The following PSMD5 variants were observed in gnomAD, a reference collection of about 807,000 sequenced individuals.
PSMD5 encodes the protein proteasome 26S subunit, non-ATPase 5, also known as 26S proteasome non-ATPase regulatory subunit 5.
In PSMD5, 40 loss-of-function variants were observed where a neutral mutation model predicts 52.1. The ratio of observed to expected loss-of-function variants is 0.77; its 90% CI spans 0.60 to 1.00. PSMD5 has a LOEUF of 1.00. Ranked by LOEUF, PSMD5 falls within the 50% of genes least tolerant of loss-of-function variation. PSMD5 has a pLI of 0.00. For missense variants in PSMD5, 575 were observed against 605.2 expected, an observed-to-expected ratio of 0.95 and a Z score of 0.52; for synonymous variants, 211 against 226.6, an observed-to-expected ratio of 0.93 and a Z score of 0.62.
chr9:120,830,490 G>A (rs1193092967), intron 4 of PSMD5, among the ~76,000 whole-genome samples: 1 of 152,156 alleles, frequency 6.6e-6, no homozygotes, highest in Non-Finnish European at 1.5e-5. Flanking sequence ...TTGGAACTCT[G>A]TTTTCATCAA....
intron 5 of PSMD5, 65 bp downstream of exon 5, chr9:120,829,034 G>T (rs557388315): frequency 2.1e-6 from 3 of 1,447,396 alleles, no homozygotes; most frequent in Non-Finnish European, 2.8e-6. Flanking sequence ...AATCACAGAT[G>T]TCCCAAGGTT....
Position 120,821,502 on chromosome 9 carries a change from T to G in PSMD5, c.1007-38A>C, listed in dbSNP as rs763583221. 3 of 1,380,170 alleles carry G rather than the reference T, an allele frequency of 2.2e-6. No individual in the cohort carries two copies. In the African/African-American group the frequency reaches 4.4e-5, roughly 20 times the overall value. 85.5% of individuals were successfully genotyped at this position (1,380,170 alleles called of 1,614,324 possible). ...ACAGTGAGATTCTTCTTTATTATGG[T>G]AAAATATACACAACATAAAATTTAC... On this transcript the variant is annotated intron_variant, in intron 7 of 9. Coordinates refer to ENST00000210313, the MANE Select transcript of PSMD5 (RefSeq NM_005047.4).
chr9:120,821,504 A>G, intron 7 of PSMD5, 40 bp from the exon 8 acceptor site: 1 of 1,353,406 alleles, frequency 7.4e-7, no homozygotes, highest in Admixed American at 2.1e-5. Context: ...TATTATGGTA[A>G]AATATACACA....
intron 4 of PSMD5, among the ~76,000 whole-genome samples, chr9:120,830,070 T>A (rs2045149540): frequency 6.6e-6 from 1 of 152,036 alleles, no homozygotes; most frequent in Non-Finnish European, 1.5e-5. Context: ...AGTAAGTTAG[T>A]CTAGGGTGGT....
At chr9:120,837,971 A>G (rs1330821361) in intron 1 of PSMD5, among the ~76,000 whole-genome samples, 1 of 152,256 alleles carries the variant, frequency 6.6e-6, no homozygotes, top group African/African-American at 2.4e-5. Flanking sequence ...GATAAATCTC[A>G]AAATAACTAT....
chr9:120,825,246 A>G (rs1176786421), intron 6 of PSMD5, among the ~76,000 whole-genome samples: 3 of 152,184 alleles, frequency 2.0e-5, no homozygotes, highest in Non-Finnish European at 2.9e-5. Context: ...AAAATATCCT[A>G]ATGTTCTAAA....
At chr9:120,820,412 G>A (rs901542228) in intron 9 of PSMD5, among the ~76,000 whole-genome samples, 9 of 152,214 alleles carry the variant, frequency 5.9e-5, no homozygotes, top group African/African-American at 1.9e-4. Context: ...TGACGAGTGA[G>A]TAAGAGGTTA....
chr9:120,842,395 G>C (rs948597189), intron 1 of PSMD5: 10 of 294,786 alleles, frequency 3.4e-5, no homozygotes, highest in African/African-American at 1.7e-4. Flanking sequence ...CTTTTAGAAG[G>C]GGAAACAAAT....
Position 120,833,422 on chromosome 9 carries a change from T to G in PSMD5, c.208A>C (p.Arg70=). 6.2e-7 allele frequency: 1 copy of G among 1,614,010 alleles called. No individual in the cohort carries two copies. Among genetic ancestry groups the G allele is most frequent in the Non-Finnish European group, 8.5e-7 (1 of 1,179,950 alleles). Residue 70 remains arginine (R), a synonymous_variant, in exon 2 of 10, where the codon AGA becomes CGA. Coordinates refer to ENST00000210313, the MANE Select transcript of PSMD5 (RefSeq NM_005047.4). ...ACCGGTTCCATAGCTTGGAGCAATC[T>G]CTCCAGAATGGATACACACAAAGTA... ...KTTLCVSILE[R]LLQAMEPVHV...
At chr9:120,831,629 G>A in intron 3 of PSMD5, 170 bp from the exon 4 acceptor site, 2 of 1,073,182 alleles carry the variant, frequency 1.9e-6, no homozygotes, top group Non-Finnish European at 2.6e-6. Context: ...GGATACTGTA[G>A]ATATGTATAT....
In PSMD5 at chr9:120,820,875, G is replaced by A. The variant is rs1339824380; in HGVS notation, c.1221C>T (p.Phe407=). 6.2e-7 allele frequency: 1 copy of A among 1,605,236 alleles called. No homozygotes were observed. The highest frequency in any genetic ancestry group is 1.1e-5 in the South Asian group (1 of 89,716). Residue 407 remains phenylalanine (F), a synonymous_variant, in exon 9 of 10, where the codon TTC becomes TTT. Transcript: ENST00000210313. ...TTAAGGCAGCACAGTGTAGTTCAGG[G>A]AAGGGCTGACTACTAATGCCACGGA... ...ELFRGISSQP[F]PELHCAALKV...
At position 120,840,619 on chromosome 9, in the gene PSMD5, C is replaced by CTTTT. The variant is rs35843505; in HGVS notation, c.173+2114_173+2117dup. 1.3e-4 allele frequency among the ~76,000 whole-genome samples: 15 copies of CTTTT among 116,176 alleles called. 1 individual carries two copies. Among genetic ancestry groups the CTTTT allele is most frequent in the African/African-American group, 3.9e-4 (12 of 30,996 alleles). The allele number at this position is 116,176 out of a possible 152,430, so 76.2% of individuals were successfully genotyped here. On this transcript the variant is annotated intron_variant, in intron 1 of 9. Transcript: ENST00000210313. ...CGCTACCAAGCCCAGCTAATTTTTG[C>CTTTT]TTTTTTTTTTTTTTTTTTGAGACGG...
chr9:120,831,730 C>T, intron 3 of PSMD5, 102 bp downstream of exon 3: 1 of 1,480,094 alleles, frequency 6.8e-7, no homozygotes. Context: ...TTACGCAAAT[C>T]ATCCATTCTA....
rs1157066744 is a variant in PSMD5, at chr9:120,820,863, G to A, written c.1233C>T (p.His411=). The change falls in exon 9 of 10, where the codon CAC becomes CAT. Residue 411 remains histidine, a synonymous_variant. Coordinates refer to ENST00000210313, the MANE Select transcript of PSMD5 (RefSeq NM_005047.4). ...CCGTAAACACTTTTAAGGCAGCACAGTGTAGTTCAGGGAAGGGCTGACTAC... is the reference window on the plus strand; with the variant it reads ...CCGTAAACACTTTTAAGGCAGCACAATGTAGTTCAGGGAAGGGCTGACTAC... ...GISSQPFPEL[H]CAALKVFTAI... is the part of the protein sequence containing the mutation. 1.9e-6 allele frequency: 3 copies of A among 1,599,942 alleles called. No homozygotes were observed. Among genetic ancestry groups the A allele is most frequent in the Admixed American group, 3.7e-5 (2 of 54,652 alleles).
chr9:120,831,771 C>T lies in PSMD5; in HGVS notation c.432+61G>A. 1.9e-6 allele frequency: 3 copies of T among 1,556,666 alleles called. No homozygotes were observed. The African/African-American group carries it at 4.1e-5, about 21-fold the overall frequency. On this transcript the variant is annotated intron_variant, in intron 3 of 9. Transcript: ENST00000210313. Reference sequence around the variant, plus strand: ...TCACCTCTCAATTCAGAAGGCCTTTCTTTATCTTTTGGGACACCGATGTCT... The same window carrying T: ...TCACCTCTCAATTCAGAAGGCCTTTTTTTATCTTTTGGGACACCGATGTCT...
At chr9:120,831,798 T>C (rs1478620098) in intron 3 of PSMD5, 34 bp downstream of exon 3, 21 of 1,596,084 alleles carry the variant, frequency 1.3e-5, no homozygotes, top group Non-Finnish European at 1.7e-5. Context: ...CCGATGTCTC[T>C]GCACATTTAA....
intron 7 of PSMD5, among the ~76,000 whole-genome samples, chr9:120,822,458 TA>T (rs1182663685): frequency 6.6e-6 from 1 of 152,228 alleles, no homozygotes; most frequent in African/African-American, 2.4e-5. Context: ...ACGATTGTCA[TA>T]GGTAAAAGCA....
At chr9:120,838,309 C>G (rs141552842) in intron 1 of PSMD5, among the ~76,000 whole-genome samples, 1 of 152,148 alleles carries the variant, frequency 6.6e-6, no homozygotes, top group Non-Finnish European at 1.5e-5. Context: ...AGTAGTGGTA[C>G]GTTAAACTGC....
chr9:120,829,101 G>C lies in PSMD5; in HGVS notation c.669C>G (p.Val223=), dbSNP rs1017305025. 4.4e-6 allele frequency: 7 copies of C among 1,582,732 alleles called. No homozygotes were observed. Among genetic ancestry groups the C allele is most frequent in the Non-Finnish European group, 6.0e-6 (7 of 1,165,310 alleles). ...LRELTGEDVL[V]RATCIEMVTS... ...CTTTAAGAACTCAGTCAACACACCT[G>C]ACCAACACATCCTCACCAGTCAGCT... is the stretch of plus-strand genomic sequence containing the variant. The change falls in exon 5 of 10, where the codon GTC becomes GTG. Residue 223 remains valine (V), a splice_region_variant and synonymous_variant. Transcript: ENST00000210313.
Sources: gnomAD v4.1 joint callset for allele counts (sites outside exome capture counted in the v4.1 genomes callset) on GRCh38, gnomAD v4.1.1 for gene constraint, MANE v1.5 for transcripts, NCBI Gene and HGNC (gene_info 2026-07-23, HGNC 2026-07-21) for gene names.